Variants in EMILIN2 observed in about 807,000 individuals in gnomAD.
EMILIN2 encodes the protein EMILIN-2.
EMILIN2 carries 71 observed loss-of-function variants against 87.1 expected under a neutral mutation model. The observed-to-expected ratio is 0.82, with a 90% CI of 0.67 to 0.99. The LOEUF (loss-of-function observed/expected upper bound fraction) is 0.99, where lower values mean the gene tolerates loss of function less well. Ranked by LOEUF, EMILIN2 falls within the 50% of genes least tolerant of loss-of-function variation. EMILIN2 has a pLI of 0.00. For synonymous variants in EMILIN2, 581 were observed against 563.4 expected, an observed-to-expected ratio of 1.03 and a Z score of -0.44; for missense variants, 1,407 against 1,371.8, an observed-to-expected ratio of 1.03 and a Z score of -0.40.
rs1220607498 is a variant in EMILIN2 at position 2,872,930 on chromosome 18, G to A, written c.258-12034G>A. Among the ~76,000 whole-genome samples, 5 of 152,064 alleles carry A rather than the reference G, an allele frequency of 3.3e-5. No homozygotes were observed. The East Asian group carries it at 9.7e-4, about 29-fold the overall frequency. On this transcript the variant is annotated intron_variant, in intron 2 of 7. Transcript: ENST00000254528. ...GATTGAGGCAAAGTGAAGTCTTTTT[G>A]AGTCGTGGGCTAGCTTATGCCCATG...
At chr18:2,865,297 T>A (rs2076681030) in intron 2 of EMILIN2, among the ~76,000 whole-genome samples, 1 of 152,188 alleles carries the variant, frequency 6.6e-6, no homozygotes, top group Non-Finnish European at 1.5e-5. Flanking sequence ...GGCAATCTGA[T>A]TTTTAGAGTT....
At chr18:2,883,965 AT>A (rs961899256) in intron 2 of EMILIN2, among the ~76,000 whole-genome samples, 7 of 151,530 alleles carry the variant, frequency 4.6e-5, no homozygotes, top group African/African-American at 7.3e-5. Flanking sequence ...CTTTCTTTTT[AT>A]TTTTTTTGAG....
At chr18:2,854,977 A>G (rs1263880490) in intron 2 of EMILIN2, among the ~76,000 whole-genome samples, 1 of 152,216 alleles carries the variant, frequency 6.6e-6, no homozygotes, top group African/African-American at 2.4e-5. Context: ...CTTTTAAACA[A>G]AAGTTTCGCC....
Position 2,880,489 on chromosome 18 carries a change from G to C in EMILIN2, c.258-4475G>C, listed in dbSNP as rs1292665197. Among the ~76,000 whole-genome samples, 3 of 152,214 alleles carry C rather than the reference G, an allele frequency of 2.0e-5. No homozygotes were observed. Among genetic ancestry groups the C allele is most frequent in the African/African-American group, 7.2e-5 (3 of 41,452 alleles). The stretch of plus-strand genomic sequence containing the variant: ...CAGGCCCAGGGTTACAGCCCCAAGG[G>C]CCGCCCCCGCCCATACCCAAGGCAC... On this transcript the variant is annotated intron_variant, in intron 2 of 7. Transcript: ENST00000254528. The surrounding 1 kb of genome is among the most constrained non-coding windows in gnomAD (Gnocchi z 4.1).
intron 2 of EMILIN2, among the ~76,000 whole-genome samples, chr18:2,876,904 T>A (rs950196926): frequency 2.0e-5 from 3 of 152,262 alleles, no homozygotes; most frequent in Admixed American, 2.0e-4. Flanking sequence ...AGAATTTAGA[T>A]GAATTTTCCT....
chr18:2,853,829 T>C (rs8084428), intron 2 of EMILIN2, among the ~76,000 whole-genome samples: 55,333 of 152,116 alleles, frequency 0.36, 12,084 homozygotes, highest in African/African-American at 0.62. Context: ...CAGGGTGGAA[T>C]GGCAGGAGGG....
chr18:2,889,211 C>T (rs1480532503), intron 3 of EMILIN2, among the ~76,000 whole-genome samples: 1 of 140,246 alleles, frequency 7.1e-6, no homozygotes, highest in Non-Finnish European at 1.5e-5. Flanking sequence ...TATGTCGGCT[C>T]ACTGCAACCT....
At chr18:2,878,078 C>T (rs1415924038) in intron 2 of EMILIN2, among the ~76,000 whole-genome samples, 3 of 152,162 alleles carry the variant, frequency 2.0e-5, no homozygotes, top group Admixed American at 6.5e-5. Flanking sequence ...TTAATGGGAA[C>T]AGACTTTCAG....
rs184881927 is a variant in EMILIN2 at position 2,875,108 on chromosome 18, C to T, written c.258-9856C>T. On this transcript the variant is annotated intron_variant, in intron 2 of 7. Transcript: ENST00000254528. ...AAAGTCCTTGAAGAGGGAGGGGTGC[C>T]GGTGCTGCAAACCAGTGAAAGCCCA... Among the ~76,000 whole-genome samples the T allele has an allele frequency of 6.6e-5, 10 of 152,228 alleles. 1 individual carries two copies. The highest frequency in any genetic ancestry group is 2.4e-4 in the African/African-American group (10 of 41,544).
intron 4 of EMILIN2, among the ~76,000 whole-genome samples, chr18:2,897,424 GAAGA>G (rs769845343): frequency 1.3e-5 from 2 of 152,196 alleles, no homozygotes; most frequent in Non-Finnish European, 2.9e-5. Flanking sequence ...TCCAGCCTTG[GAAGA>G]GAGAGGGCCT....
At chr18:2,904,853 G>A (rs2076902547) in intron 4 of EMILIN2, among the ~76,000 whole-genome samples, 1 of 152,138 alleles carries the variant, frequency 6.6e-6, no homozygotes, top group African/African-American at 2.4e-5. Flanking sequence ...GGCATCATAG[G>A]GTCAATTTGA....
At chr18:2,901,988 G>C (rs1264644105) in intron 4 of EMILIN2, among the ~76,000 whole-genome samples, 1 of 152,352 alleles carries the variant, frequency 6.6e-6, no homozygotes, top group East Asian at 1.9e-4. Flanking sequence ...GAGATCCACT[G>C]AGGATATCTG....
intron 4 of EMILIN2, among the ~76,000 whole-genome samples, chr18:2,898,390 A>G (rs1275483808): frequency 1.3e-5 from 2 of 152,198 alleles, no homozygotes; most frequent in East Asian, 3.8e-4. Flanking sequence ...CTGGCCCCAC[A>G]CACAGGTTGA....
At chr18:2,862,403 G>T (rs942691087) in intron 2 of EMILIN2, among the ~76,000 whole-genome samples, 1 of 152,162 alleles carries the variant, frequency 6.6e-6, no homozygotes, top group Non-Finnish European at 1.5e-5. Flanking sequence ...TTTGAGATAC[G>T]TCCCATCAAT....
intron 5 of EMILIN2, 99 bp from the exon 6 acceptor site, chr18:2,908,844 C>G: frequency 7.1e-7 from 1 of 1,417,604 alleles, no homozygotes; most frequent in East Asian, 2.3e-5. Flanking sequence ...AGTGAAGACT[C>G]GATTTGAACT....
At chr18:2,881,760 T>G (rs1236666050) in intron 2 of EMILIN2, among the ~76,000 whole-genome samples, 1 of 152,252 alleles carries the variant, frequency 6.6e-6, no homozygotes, top group Non-Finnish European at 1.5e-5. Context: ...TTTCTGAGAT[T>G]ACACATTCTT....
Position 2,913,231 on chromosome 18 carries a change from G to A in EMILIN2, c.2989G>A (p.Gly997Arg). 6.2e-7 allele frequency: 1 copy of A among 1,614,138 alleles called. No individual in the cohort carries two copies. Among genetic ancestry groups the A allele is most frequent in the Non-Finnish European group, 8.5e-7 (1 of 1,180,038 alleles). Reference protein sequence around the residue: ...REFLEYHRPPGALHTCGGPGA... With the variant: ...REFLEYHRPPRALHTCGGPGA... ...GTTCCTGGAATACCACCGCCCTCCA[G>A]GAGCTTTGCATACCTGCGGGGGCCC... is the stretch of plus-strand genomic sequence containing the variant. Residue 997 changes from glycine to arginine, a missense_variant, in exon 8 of 8, where the codon GGA becomes AGA. Transcript: ENST00000254528.
intron 4 of EMILIN2, among the ~76,000 whole-genome samples, chr18:2,906,006 A>T (rs1412172647): frequency 2.0e-5 from 3 of 152,100 alleles, no homozygotes; most frequent in Admixed American, 2.0e-4. Context: ...CAAAAATCAA[A>T]TGTGTTGCGC....
intron 2 of EMILIN2, among the ~76,000 whole-genome samples, chr18:2,858,549 A>ATG (rs1343405991): frequency 6.8e-5 from 3 of 44,168 alleles, no homozygotes; most frequent in African/African-American, 4.5e-4. Flanking sequence ...ATATATATAT[A>ATG]TATATATATA....
Sources: allele counts gnomAD v4.1 joint callset (sites outside exome capture counted in the v4.1 genomes callset), GRCh38; gene constraint gnomAD v4.1.1; non-coding constraint Gnocchi (gnomAD v3.1); transcripts MANE v1.5; gene names NCBI Gene and HGNC (gene_info 2026-07-23, HGNC 2026-07-21).